Variants in BABAM2 observed in about 807,000 individuals in gnomAD.
The protein encoded by BABAM2 is BRISC and BRCA1 A complex member 2.
BABAM2 carries 31 observed loss-of-function variants against 54.7 expected under a neutral mutation model. The observed-to-expected ratio is 0.57, with a 90% CI of 0.43 to 0.77. The LOEUF (loss-of-function observed/expected upper bound fraction) is 0.77, where lower values mean the gene tolerates loss of function less well. Ranked by LOEUF, BABAM2 falls within the 30% of genes least tolerant of loss-of-function variation. The probability of loss-of-function intolerance (pLI) is 0.00; values close to 1 mark genes in which losing one functional copy is unlikely to be tolerated. For synonymous variants in BABAM2, 167 were observed against 162.9 expected (o/e 1.03, Z -0.19); for missense variants, 364 against 455.8 (o/e 0.80, Z 1.83).
intron 5 of BABAM2, among the ~76,000 whole-genome samples, chr2:28,029,550 C>T (rs2148578052): frequency 6.6e-6 from 1 of 152,260 alleles, no homozygotes; most frequent in South Asian, 2.1e-4. Context: ...TTTAAGGCTG[C>T]ATAGTGTTCA....
chr2:28,036,734 C>A (rs534708698), intron 5 of BABAM2, among the ~76,000 whole-genome samples: 1 of 152,310 alleles, frequency 6.6e-6, no homozygotes, highest in Admixed American at 6.5e-5. Flanking sequence ...TCCCTCATAT[C>A]CTTTCAATAA....
At chr2:28,204,552 AG>A (rs781009758) in intron 7 of BABAM2, among the ~76,000 whole-genome samples, 21 of 151,938 alleles carry the variant, frequency 1.4e-4, no homozygotes, top group Non-Finnish European at 2.6e-4. Context: ...ACTTAGGACA[AG>A]GTCATTTCAA....
chr2:28,048,913 T>G (rs1677801813), intron 6 of BABAM2, among the ~76,000 whole-genome samples: 1 of 152,242 alleles, frequency 6.6e-6, no homozygotes, highest in Admixed American at 6.5e-5. Context: ...GTATGTGTAT[T>G]CCTGTCTTTA....
chr2:27,981,306 A>C (rs1309296844), intron 3 of BABAM2, among the ~76,000 whole-genome samples: 1 of 152,168 alleles, frequency 6.6e-6, no homozygotes, highest in Admixed American at 6.5e-5. Context: ...AGGTTTTTTT[A>C]AAGTGGGACA....
At position 28,200,114 on chromosome 2, in the gene BABAM2, A is replaced by G. The variant is rs79592734; in HGVS notation, c.681-37088A>G. The stretch of plus-strand genomic sequence containing the variant: ...TAGCTGGTTTAGAATCAACTTTCCA[A>G]AACAACCCTACCTATCTTCTAGGCT... On this transcript the variant is annotated intron_variant, in intron 7 of 11. Coordinates refer to ENST00000379624, the MANE Select transcript of BABAM2 (RefSeq NM_199191.3). Among the ~76,000 whole-genome samples the G allele has an allele frequency of 4.1e-4, 63 of 152,284 alleles. No individual in the cohort carries two copies. The East Asian group carries it at 9.8e-3, about 24-fold the overall frequency.
At chr2:28,234,077 A>T (rs1681677812) in intron 7 of BABAM2, among the ~76,000 whole-genome samples, 1 of 152,140 alleles carries the variant, frequency 6.6e-6, no homozygotes. Flanking sequence ...CAGGGAGGTA[A>T]CATATTTCAG....
intron 11 of BABAM2, chr2:28,327,548 C>A: frequency 7.5e-7 from 1 of 1,332,046 alleles, no homozygotes; most frequent in Non-Finnish European, 1.0e-6. Flanking sequence ...TTGAAGTCCT[C>A]CTAAAACGGC....
At chr2:27,888,978 G>A (rs1489054143), upstream of BABAM2, among the ~76,000 whole-genome samples, 1 of 152,210 alleles carries the variant, frequency 6.6e-6, no homozygotes, top group Admixed American at 6.5e-5. Context: ...TTGGCACAGT[G>A]TCTGACAGAA....
intron 10 of BABAM2, among the ~76,000 whole-genome samples, chr2:28,277,168 C>T (rs564146286): frequency 9.5e-4 from 145 of 152,248 alleles, no homozygotes; most frequent in African/African-American, 3.4e-3. Context: ...TGCAGTGGGG[C>T]GACCTCGGCT....
chr2:28,047,931 T>C (rs1677717813), intron 6 of BABAM2, among the ~76,000 whole-genome samples: 1 of 152,220 alleles, frequency 6.6e-6, no homozygotes, highest in African/African-American at 2.4e-5. Context: ...AATATCTACA[T>C]TCCTAAAGTT....
At chr2:28,145,426 G>A (rs1044689786) in intron 7 of BABAM2, among the ~76,000 whole-genome samples, 6 of 152,104 alleles carry the variant, frequency 3.9e-5, no homozygotes, top group African/African-American at 1.4e-4. Flanking sequence ...CTCATTTTTA[G>A]AGATACCTAC....
At chr2:28,261,045 G>A (rs1406106086) in intron 10 of BABAM2, among the ~76,000 whole-genome samples, 5 of 145,480 alleles carry the variant, frequency 3.4e-5, no homozygotes, top group Non-Finnish European at 7.5e-5. Context: ...AGATTCAAGC[G>A]ATTCTCCTGC....
intron 11 of BABAM2, among the ~76,000 whole-genome samples, chr2:28,337,914 G>A (rs1401118518): frequency 6.6e-6 from 1 of 152,208 alleles, no homozygotes; most frequent in East Asian, 1.9e-4. Flanking sequence ...TTGAGTCCTG[G>A]AGGTCAGAGT....
intron 4 of BABAM2, among the ~76,000 whole-genome samples, chr2:27,988,499 A>G (rs535938691): frequency 8.1e-4 from 124 of 152,314 alleles, no homozygotes; most frequent in African/African-American, 3.0e-3. Flanking sequence ...ATAGAAGTGA[A>G]AGTGGCAAAT....
chr2:28,244,590 G>C (rs1200531082), intron 9 of BABAM2, among the ~76,000 whole-genome samples, 190 bp from the exon 10 acceptor site: 1 of 152,194 alleles, frequency 6.6e-6, no homozygotes, highest in Non-Finnish European at 1.5e-5. Context: ...TGGCAAAGCT[G>C]TGACTTAAAC....
chr2:28,152,481 G>A (rs1301308743), intron 7 of BABAM2, among the ~76,000 whole-genome samples: 1 of 152,162 alleles, frequency 6.6e-6, no homozygotes, highest in Non-Finnish European at 1.5e-5. Flanking sequence ...CGCAGGGAGG[G>A]GAAATTGCAG....
At chr2:27,987,946 T>C (rs1403958948) in intron 3 of BABAM2, 47 bp from the exon 4 acceptor site, 2 of 1,503,802 alleles carry the variant, frequency 1.3e-6, no homozygotes, top group Non-Finnish European at 9.2e-7. Context: ...AGAATATTCA[T>C]ACTTAGAAAG....
At chr2:27,998,442 C>T (rs992835256) in intron 4 of BABAM2, among the ~76,000 whole-genome samples, 1 of 151,842 alleles carries the variant, frequency 6.6e-6, no homozygotes, top group African/African-American at 2.4e-5. Flanking sequence ...CTGCCTATGC[C>T]ACATGGACAT....
At chr2:27,931,394 T>TGGG (rs1238768683) in intron 3 of BABAM2, among the ~76,000 whole-genome samples, 3 of 152,182 alleles carry the variant, frequency 2.0e-5, no homozygotes, top group African/African-American at 7.2e-5. Flanking sequence ...TTTAGCTCTC[T>TGGG]GGGGATGATC....
Sources: gnomAD v4.1 joint callset for allele counts (sites outside exome capture counted in the v4.1 genomes callset) on GRCh38, gnomAD v4.1.1 for gene constraint, MANE v1.5 for transcripts, NCBI Gene and HGNC (gene_info 2026-07-23, HGNC 2026-07-21) for gene names.